NMNAT3: variants seen among roughly 807,000 people sequenced by gnomAD.
NMNAT3 encodes nicotinamide nucleotide adenylyltransferase 3, also known as nicotinamide/nicotinic acid mononucleotide adenylyltransferase 3.
NMNAT3 carries 21 observed loss-of-function variants against 24.8 expected under a neutral mutation model. That is an observed-to-expected ratio of 0.85 (90% confidence interval 0.60 to 1.22). NMNAT3 has a LOEUF of 1.22. Among genes scored for constraint, NMNAT3 ranks in the 50% most tolerant of loss-of-function variants. The pLI, the probability that NMNAT3 is intolerant of heterozygous loss-of-function variation, is 0.00. For synonymous variants in NMNAT3, 136 were observed against 155.2 expected, an observed-to-expected ratio of 0.88 and a Z score of 0.92; for missense variants, 387 against 436.6, an observed-to-expected ratio of 0.89 and a Z score of 1.01.
At chr3:139,653,833 C>A (rs927579903) in intron 1 of NMNAT3, among the ~76,000 whole-genome samples, 3 of 152,184 alleles carry the variant, frequency 2.0e-5, no homozygotes, top group African/African-American at 7.2e-5. Flanking sequence ...CGTTGTAACT[C>A]GAACCTGGGG....
intron 3 of NMNAT3, among the ~76,000 whole-genome samples, chr3:139,595,909 T>G (rs2054432496): frequency 1.3e-5 from 2 of 152,214 alleles, no homozygotes; most frequent in Admixed American, 6.5e-5. Flanking sequence ...GGGCAAGGAC[T>G]TCATGTCCAA....
At chr3:139,589,761 A>G (rs570456886) in intron 3 of NMNAT3, among the ~76,000 whole-genome samples, 55 of 152,348 alleles carry the variant, frequency 3.6e-4, no homozygotes, top group African/African-American at 1.3e-3. Context: ...CACAACATGA[A>G]TGAAAATAGG....
intron 1 of NMNAT3, among the ~76,000 whole-genome samples, chr3:139,650,294 G>T (rs1001069287): frequency 1.3e-5 from 2 of 152,110 alleles, no homozygotes; most frequent in Non-Finnish European, 2.9e-5. Context: ...CAAATTTCAG[G>T]AAAGATTTTC....
At chr3:139,564,412 C>T (rs1278021913) in intron 6 of NMNAT3, among the ~76,000 whole-genome samples, 2 of 152,200 alleles carry the variant, frequency 1.3e-5, no homozygotes, top group Non-Finnish European at 2.9e-5. Context: ...AAAGGGCCTG[C>T]TCTGTTGGGA....
intron 5 of NMNAT3, among the ~76,000 whole-genome samples, chr3:139,574,496 C>G (rs1938988500): frequency 6.6e-6 from 1 of 152,236 alleles, no homozygotes; most frequent in Non-Finnish European, 1.5e-5. Context: ...TCATGAGATA[C>G]TTATATATGC....
In NMNAT3 at chr3:139,631,537, G is replaced by A. The variant is rs377096189; in HGVS notation, c.-40-3773C>T. 3.9e-5 allele frequency among the ~76,000 whole-genome samples: 6 copies of A among 152,322 alleles called. No individual in the cohort carries two copies. In the South Asian group the frequency reaches 8.3e-4, roughly 21 times the overall value. On this transcript the variant is annotated intron_variant, in intron 2 of 6. Coordinates refer to ENST00000643695, the MANE Select transcript of NMNAT3 (RefSeq NM_001320510.2). The stretch of plus-strand genomic sequence containing the variant: ...ATAAGCATTTAATGGAGGCCAGAGA[G>A]TGATAATTGCAGCTGAAGGATTTAA...
chr3:139,644,723 T>A (rs2056814737), intron 1 of NMNAT3, among the ~76,000 whole-genome samples: 1 of 152,192 alleles, frequency 6.6e-6, no homozygotes, highest in Admixed American at 6.5e-5. Flanking sequence ...TTAATTTGAC[T>A]CCCATATTAG....
intron 3 of NMNAT3, among the ~76,000 whole-genome samples, chr3:139,613,781 T>C (rs1393886877): frequency 2.0e-5 from 3 of 152,136 alleles, no homozygotes; most frequent in African/African-American, 7.2e-5. Flanking sequence ...GTGGCACATA[T>C]ACACCATGGA....
chr3:139,572,059 AG>A (rs1938460652), intron 6 of NMNAT3: 2 of 398,804 alleles, frequency 5.0e-6, no homozygotes, highest in Non-Finnish European at 8.8e-6. Context: ...GTCTCAGTGC[AG>A]GTGCCCCCTC....
intron 5 of NMNAT3, 83 bp downstream of exon 5, chr3:139,578,789 A>G (rs889906621): frequency 5.5e-6 from 7 of 1,273,762 alleles, no homozygotes; most frequent in Non-Finnish European, 5.3e-6. Flanking sequence ...CAGCCCCACA[A>G]TCTGCCCTAC....
intron 1 of NMNAT3, among the ~76,000 whole-genome samples, chr3:139,677,491 T>C (rs999676071): frequency 1.3e-5 from 2 of 152,164 alleles, no homozygotes; most frequent in African/African-American, 4.8e-5. Flanking sequence ...GGGGGTTAGG[T>C]TGACACGCTG....
rs757954205 is a variant in NMNAT3, at chr3:139,561,276, C to A, written c.775G>T (p.Val259Leu). 2 of 1,614,006 alleles carry A rather than the reference C, an allele frequency of 1.2e-6. No homozygotes were observed. The highest frequency in any genetic ancestry group is 3.3e-5 in the Admixed American group (2 of 59,998). Reference sequence around the variant, plus strand: ...TTTGGGTCGTGACCTACTCGGCCCACGCACACCAAGCCAAACTTCTCCACT... The same window carrying A: ...TTTGGGTCGTGACCTACTCGGCCCAAGCACACCAAGCCAAACTTCTCCACT... The change falls in exon 7 of 7, where the codon GTG (valine) becomes TTG (leucine). Residue 259 changes from valine (V) to leucine (L), a missense_variant. This residue lies in a region of NMNAT3 where 323 missense variants were observed against 345.2 expected (regional missense o/e 0.94). Transcript: ENST00000643695.
intron 6 of NMNAT3, chr3:139,572,272 T>C (rs1324388814): frequency 1.8e-5 from 7 of 398,446 alleles, no homozygotes; most frequent in Non-Finnish European, 2.7e-5. Flanking sequence ...AGGGAGAGGC[T>C]GATAATGAAT....
chr3:139,664,101 C>A (rs1333628679), intron 1 of NMNAT3, among the ~76,000 whole-genome samples: 1 of 152,142 alleles, frequency 6.6e-6, no homozygotes, highest in African/African-American at 2.4e-5. Context: ...TGAGAGTTCC[C>A]AAACCAAGAC....
rs141294615 is a variant in NMNAT3 at position 139,568,630 on chromosome 3, G to A, written c.658+4968C>T. The A allele has an allele frequency of 1.5e-4, 23 of 152,282 alleles. 1 individual carries two copies. In the East Asian group the frequency reaches 3.1e-3, roughly 20 times the overall value. 9.4% of individuals were successfully genotyped at this position (152,282 alleles called of 1,614,324 possible). A position where few individuals can be genotyped will look rare whatever the true frequency, so the allele number is the denominator to read the frequency against. On this transcript the variant is annotated intron_variant, in intron 6 of 6. Transcript: ENST00000643695. ...TAGTCATTCAGGAGCAGGTTGTTCC[G>A]TTTCCATGTAGCTGAGCGGTTTTGA...
At chr3:139,669,075 C>T (rs1345018061) in intron 1 of NMNAT3, among the ~76,000 whole-genome samples, 1 of 151,994 alleles carries the variant, frequency 6.6e-6, no homozygotes, top group Non-Finnish European at 1.5e-5. Flanking sequence ...GACAAATATT[C>T]CAATAGACTT....
chr3:139,607,050 A>G (rs946158482), intron 3 of NMNAT3, among the ~76,000 whole-genome samples: 1 of 152,132 alleles, frequency 6.6e-6, no homozygotes, highest in Non-Finnish European at 1.5e-5. Context: ...GAAGAATGGC[A>G]TTTAGAAACC....
chr3:139,565,275 T>A (rs1393399713), intron 6 of NMNAT3: 1 of 152,240 alleles, frequency 6.6e-6, no homozygotes, highest in Non-Finnish European at 1.5e-5. Context: ...ATTCCTAGAA[T>A]GGGAATTTAT....
At chr3:139,677,516 G>A (rs1293402257) in intron 1 of NMNAT3, among the ~76,000 whole-genome samples, 189 bp downstream of exon 1, 5 of 152,226 alleles carry the variant, frequency 3.3e-5, no homozygotes, top group Non-Finnish European at 5.9e-5. Context: ...GAGAACCGCC[G>A]GCGCGCAGAG....
Sources: allele counts gnomAD v4.1 joint callset (sites outside exome capture counted in the v4.1 genomes callset), GRCh38; gene constraint gnomAD v4.1.1; regional missense constraint gnomAD v4.1.1; transcripts MANE v1.5; gene names NCBI Gene and HGNC (gene_info 2026-07-23, HGNC 2026-07-21).